Variants in KSR1 observed in about 807,000 individuals in gnomAD.
KSR1 encodes kinase suppressor of ras.
A neutral mutation model predicts 92.9 loss-of-function variants in KSR1; 35 were observed. That is an observed-to-expected ratio of 0.38 (90% CI 0.29 to 0.50). The LOEUF (loss-of-function observed/expected upper bound fraction) is 0.50, where lower values mean the gene tolerates loss of function less well. Ranked by LOEUF, KSR1 falls within the 20% of genes least tolerant of loss-of-function variation. The pLI is 0.94. For synonymous variants in KSR1, 467 were observed against 472.6 expected, an observed-to-expected ratio of 0.99 and a Z score of 0.15; for missense variants, 972 against 1,158.5, an observed-to-expected ratio of 0.84 and a Z score of 2.34.
rs1032491441 is a variant in KSR1 at position 27,474,429 on chromosome 17, G to A, written c.231+17555G>A. Reference sequence around the variant, plus strand: ...GGGAGGATGAGCAGCACCTCATGCTGTGTAAGAGCACAGGTTCTGGTGGTT... The same window carrying A: ...GGGAGGATGAGCAGCACCTCATGCTATGTAAGAGCACAGGTTCTGGTGGTT... On this transcript the variant is annotated intron_variant, in intron 1 of 20. Transcript: ENST00000644974. Among the ~76,000 whole-genome samples the A allele has an allele frequency of 3.9e-5, 6 of 152,220 alleles. No individual in the cohort carries two copies. The East Asian group carries it at 9.6e-4, about 24-fold the overall frequency.
In KSR1 at chr17:27,597,468, A is replaced by C. The variant is rs577112394; in HGVS notation, c.1468+32A>C. On this transcript the variant is annotated intron_variant, in intron 10 of 20. Transcript: ENST00000644974. ...CATCTCCAGGCTTTTCTGGGTTCTA[A>C]GGGATACAGTCAGATCCCCTTCTCA... 5.0e-5 allele frequency: 79 copies of C among 1,573,576 alleles called. No individual in the cohort carries two copies. In the East Asian group the frequency reaches 1.6e-3, roughly 33 times the overall value.
At chr17:27,568,731 A>G (rs1038346932) in intron 2 of KSR1, among the ~76,000 whole-genome samples, 4 of 152,204 alleles carry the variant, frequency 2.6e-5, no homozygotes, top group African/African-American at 4.8e-5. Context: ...ACCGCATCCC[A>G]GTTTGCCGGC....
At chr17:27,505,099 C>T (rs2069329055) in intron 1 of KSR1, among the ~76,000 whole-genome samples, 1 of 152,180 alleles carries the variant, frequency 6.6e-6, no homozygotes, top group African/African-American at 2.4e-5. Context: ...GACGGGAGCC[C>T]TGGGACAGCT....
At chr17:27,610,791 G>T (rs1435468725) in intron 17 of KSR1, among the ~76,000 whole-genome samples, 2 of 152,022 alleles carry the variant, frequency 1.3e-5, no homozygotes, top group African/African-American at 4.8e-5. Context: ...AAATTAATAA[G>T]ATATTTTATA....
chr17:27,588,278 C>T (rs1416769124), intron 5 of KSR1, 197 bp from the exon 6 acceptor site: 3 of 399,544 alleles, frequency 7.5e-6, no homozygotes, highest in South Asian at 5.6e-5. Context: ...GAGGACCAAG[C>T]GAGGCGAGGG....
chr17:27,556,208 G>A lies in KSR1; in HGVS notation c.372+5500G>A, dbSNP rs181846496. Among the ~76,000 whole-genome samples the A allele has an allele frequency of 4.6e-5, 7 of 152,188 alleles. No individual in the cohort carries two copies. The South Asian group carries it at 6.2e-4, about 14-fold the overall frequency. On this transcript the variant is annotated intron_variant, in intron 2 of 20. Transcript: ENST00000644974. ...AATAAAAGCAGTCTTTTTCTTCAACGGTTATTTATTTATTTATATATTTTG... is the reference window on the plus strand; with the variant it reads ...AATAAAAGCAGTCTTTTTCTTCAACAGTTATTTATTTATTTATATATTTTG...
At chr17:27,494,401 G>A (rs754160090) in intron 1 of KSR1, among the ~76,000 whole-genome samples, 1 of 152,166 alleles carries the variant, frequency 6.6e-6, no homozygotes, top group Non-Finnish European at 1.5e-5. Context: ...ACAGCAGGTG[G>A]CAGTAACTGG....
At chr17:27,521,396 C>T (rs1309087270) in intron 1 of KSR1, among the ~76,000 whole-genome samples, 2 of 148,562 alleles carry the variant, frequency 1.3e-5, no homozygotes, top group Non-Finnish European at 3.0e-5. Context: ...AGTGCAGTAG[C>T]TCACTGGAGC....
At position 27,550,858 on chromosome 17, in the gene KSR1, C is replaced by T. The variant is rs118009152; in HGVS notation, c.372+150C>T. On this transcript the variant is annotated intron_variant, in intron 2 of 20. Transcript: ENST00000644974. ...GGAGGATGGGGAGGGACAGCAGCGCCAGGAGGGATCCAGGGTACATGTGGC... is the reference window on the plus strand; with the variant it reads ...GGAGGATGGGGAGGGACAGCAGCGCTAGGAGGGATCCAGGGTACATGTGGC... 6.0e-3 allele frequency: 3,682 copies of T among 610,296 alleles called. 24 individuals carry two copies. Among genetic ancestry groups the T allele is most frequent in the Non-Finnish European group, 7.5e-3 (2,525 of 334,566 alleles). The allele number at this position is 610,296 out of a possible 1,614,324, so 37.8% of individuals were successfully genotyped here. A position where few individuals can be genotyped will look rare whatever the true frequency, so the allele number is the denominator to read the frequency against.
intron 1 of KSR1, among the ~76,000 whole-genome samples, chr17:27,536,174 C>T (rs1009317907): frequency 6.6e-6 from 1 of 152,180 alleles, no homozygotes; most frequent in Admixed American, 6.5e-5. Flanking sequence ...GCTGAGTGCC[C>T]TTTGAGGGTG....
intron 1 of KSR1, among the ~76,000 whole-genome samples, chr17:27,541,493 G>A (rs991585316): frequency 4.6e-5 from 7 of 152,206 alleles, no homozygotes; most frequent in Non-Finnish European, 7.3e-5. Context: ...GATACATTTA[G>A]AGGGTGTGGG....
At chr17:27,623,210 G>A (rs2074273378) in intron 20 of KSR1, 104 bp from the exon 21 acceptor site, 2 of 700,660 alleles carry the variant, frequency 2.9e-6, no homozygotes, top group South Asian at 3.0e-5. Context: ...TTCATTTCTT[G>A]TTGGAGGCCA....
In KSR1 at chr17:27,526,244, C is replaced by T; in HGVS notation, c.232-24324C>T. 4 of 561,406 alleles carry T rather than the reference C, an allele frequency of 7.1e-6. 1 individual carries two copies. The highest frequency in any genetic ancestry group is 6.8e-5 in the South Asian group (3 of 43,878). 34.8% of individuals were successfully genotyped at this position (561,406 alleles called of 1,614,324 possible). A position where few individuals can be genotyped will look rare whatever the true frequency, so the allele number is the denominator to read the frequency against. On this transcript the variant is annotated intron_variant, in intron 1 of 20. Transcript: ENST00000644974. ...AGGGGTACAAAGGGTGCAGCTGTTT[C>T]CCTGAAGGAATTCTTAAGTTAGTGA...
At chr17:27,500,146 A>C (rs977787289) in intron 1 of KSR1, among the ~76,000 whole-genome samples, 1 of 152,210 alleles carries the variant, frequency 6.6e-6, no homozygotes, top group African/African-American at 2.4e-5. Flanking sequence ...ATGACCAGCA[A>C]GCTTATAAAG....
At chr17:27,501,217 C>T (rs1294272000) in intron 1 of KSR1, among the ~76,000 whole-genome samples, 1 of 148,968 alleles carries the variant, frequency 6.7e-6, no homozygotes, top group Non-Finnish European at 1.5e-5. Flanking sequence ...AGGACCTTGA[C>T]CAAGGCTATA....
At chr17:27,570,946 A>G (rs2072282468) in intron 2 of KSR1, among the ~76,000 whole-genome samples, 1 of 152,192 alleles carries the variant, frequency 6.6e-6, no homozygotes, top group Non-Finnish European at 1.5e-5. Flanking sequence ...ACCCGGATTG[A>G]GAGCCGTTGA....
intron 1 of KSR1, among the ~76,000 whole-genome samples, chr17:27,461,327 C>T (rs558014335): frequency 2.0e-5 from 3 of 152,198 alleles, no homozygotes; most frequent in Non-Finnish European, 2.9e-5. Context: ...GTGATCTACC[C>T]ACCTTGGCCT....
At chr17:27,491,635 G>A (rs914846989) in intron 1 of KSR1, among the ~76,000 whole-genome samples, 1 of 152,156 alleles carries the variant, frequency 6.6e-6, no homozygotes, top group African/African-American at 2.4e-5. Flanking sequence ...GTGGTACTTT[G>A]TGTAATTTAT....
chr17:27,499,959 G>A (rs1449759714), intron 1 of KSR1, among the ~76,000 whole-genome samples: 1 of 152,240 alleles, frequency 6.6e-6, no homozygotes, highest in African/African-American at 2.4e-5. Context: ...AGGACTGGCA[G>A]CGATTGTAGG....
Sources: allele counts gnomAD v4.1 joint callset (sites outside exome capture counted in the v4.1 genomes callset), GRCh38; gene constraint gnomAD v4.1.1; transcripts MANE v1.5; gene names NCBI Gene and HGNC (gene_info 2026-07-23, HGNC 2026-07-21).